The following KHDRBS2 variants were observed in gnomAD, a reference collection of about 807,000 sequenced individuals.
The protein encoded by KHDRBS2 is KH domain-containing, RNA-binding, signal transduction-associated protein 2.
Under a neutral mutation model 44.3 loss-of-function variants are expected in KHDRBS2, and 26 were observed. The ratio of observed to expected loss-of-function variants is 0.59; its 90% CI spans 0.43 to 0.81. The LOEUF is 0.81. KHDRBS2 is among the 40% of genes least tolerant of loss of function. The probability of loss-of-function intolerance (pLI) is 0.00; values close to 1 mark genes in which losing one functional copy is unlikely to be tolerated. For synonymous variants in KHDRBS2, 194 were observed against 151.1 expected (o/e 1.28, Z -2.08); for missense variants, 476 against 433.1 (o/e 1.10, Z -0.88).
At chr6:62,258,720 T>C (rs1837837640) in intron 1 of KHDRBS2, among the ~76,000 whole-genome samples, 1 of 151,932 alleles carries the variant, frequency 6.6e-6, no homozygotes, top group South Asian at 2.1e-4. Flanking sequence ...CCATTATGTA[T>C]ATATAAATAT....
chr6:62,113,212 T>G (rs1426639893), intron 2 of KHDRBS2, among the ~76,000 whole-genome samples: 2 of 152,086 alleles, frequency 1.3e-5, no homozygotes, highest in African/African-American at 2.4e-5. Context: ...AAGCACATAT[T>G]ATGTCCCATA....
Position 62,157,323 on chromosome 6 carries a change from T to TA in KHDRBS2, c.219+19861dup, listed in dbSNP as rs559571991. Among the ~76,000 whole-genome samples, 673 of 148,806 alleles carry TA rather than the reference T, an allele frequency of 4.5e-3. 1 individual carries two copies. Among genetic ancestry groups the TA allele is most frequent in the Middle Eastern group, 0.021 (6 of 288 alleles). On this transcript the variant is annotated intron_variant, in intron 2 of 8. Transcript: ENST00000281156. ...GCCTGAGGACAGAACGAGACTCCTTTAAAAAAAAAAGAGGTAAGTTAAGCC... is the reference window on the plus strand; with the variant it reads ...GCCTGAGGACAGAACGAGACTCCTTTAAAAAAAAAAAGAGGTAAGTTAAGCC...
chr6:61,668,683 C>G, the KHDRBS2 span, among the ~76,000 whole-genome samples: 1 of 151,034 alleles, frequency 6.6e-6, no homozygotes, highest in East Asian at 2.0e-4. Context: ...TTTCACATTA[C>G]TATCTGTTTA....
chr6:61,862,914 C>A (rs1167343239), intron 6 of KHDRBS2, among the ~76,000 whole-genome samples: 1 of 151,386 alleles, frequency 6.6e-6, no homozygotes, highest in Non-Finnish European at 1.5e-5. Context: ...CTTCTTTGTC[C>A]CTCTGGCAAT....
chr6:61,896,318 C>T (rs1263646476), intron 5 of KHDRBS2, among the ~76,000 whole-genome samples: 1 of 152,174 alleles, frequency 6.6e-6, no homozygotes, highest in South Asian at 2.1e-4. Context: ...CTACTCTATT[C>T]ACGAGCCTTC....
At chr6:61,576,960 T>C in the KHDRBS2 span, among the ~76,000 whole-genome samples, 2 of 152,302 alleles carry the variant, frequency 1.3e-5, no homozygotes, top group East Asian at 1.9e-4. Context: ...GATTCTAGTG[T>C]TCAGAAAAGT....
At chr6:62,278,870 G>A (rs1426613475) in intron 1 of KHDRBS2, among the ~76,000 whole-genome samples, 18 of 152,052 alleles carry the variant, frequency 1.2e-4, no homozygotes, top group Admixed American at 7.2e-4. Context: ...CGAGGTGGGC[G>A]GATCACGAGG....
intron 6 of KHDRBS2, among the ~76,000 whole-genome samples, chr6:61,883,052 A>G (rs971111794): frequency 2.0e-5 from 3 of 152,048 alleles, no homozygotes; most frequent in Admixed American, 1.3e-4. Context: ...ACTCAGAAGG[A>G]AAAACATGAT....
chr6:61,898,868 G>A (rs980385464), intron 5 of KHDRBS2, among the ~76,000 whole-genome samples: 1 of 151,852 alleles, frequency 6.6e-6, no homozygotes, highest in Non-Finnish European at 1.5e-5. Context: ...AAATTGAGAT[G>A]AAATGGAATT....
At chr6:62,263,629 G>A (rs1335477684) in intron 1 of KHDRBS2, among the ~76,000 whole-genome samples, 1 of 151,640 alleles carries the variant, frequency 6.6e-6, no homozygotes, top group Non-Finnish European at 1.5e-5. Context: ...GAAAATCTGA[G>A]CATCTCTTCA....
intron 3 of KHDRBS2, among the ~76,000 whole-genome samples, chr6:61,994,401 A>G (rs1412930600): frequency 2.0e-5 from 3 of 152,206 alleles, no homozygotes; most frequent in Non-Finnish European, 4.4e-5. Context: ...TCATTTTCTT[A>G]AGAATCCTCT....
In KHDRBS2 at chr6:62,210,920, A is replaced by G. The variant is rs1489450227; in HGVS notation, c.92-33608T>C. ...TTTCTTAATAATAGTTTAATGGACTATAAGGTTTCATTTATAATAAATACT... is the reference window on the plus strand; with the variant it reads ...TTTCTTAATAATAGTTTAATGGACTGTAAGGTTTCATTTATAATAAATACT... On this transcript the variant is annotated intron_variant, in intron 1 of 8. Transcript: ENST00000281156. Among the ~76,000 whole-genome samples, 4 of 152,302 alleles carry G rather than the reference A, an allele frequency of 2.6e-5. 1 individual carries two copies. The highest frequency in any genetic ancestry group is 2.0e-4 in the Admixed American group (3 of 15,300).
At chr6:61,605,388 G>A in the KHDRBS2 span, among the ~76,000 whole-genome samples, 1 of 152,248 alleles carries the variant, frequency 6.6e-6, no homozygotes, top group South Asian at 2.1e-4. Flanking sequence ...ATCTCCTGGT[G>A]CTATCCCCAA....
the KHDRBS2 span, among the ~76,000 whole-genome samples, chr6:61,668,999 A>G: frequency 6.6e-6 from 1 of 150,854 alleles, no homozygotes; most frequent in African/African-American, 2.4e-5. Context: ...TTTTTCATGG[A>G]GATTTTATGT....
At position 62,020,711 on chromosome 6, in the gene KHDRBS2, C is replaced by A. The variant is rs550118456; in HGVS notation, c.336+27167G>T. Among the ~76,000 whole-genome samples the A allele has an allele frequency of 3.3e-5, 5 of 152,132 alleles. No homozygotes were observed. The East Asian group carries it at 7.7e-4, about 23-fold the overall frequency. On this transcript the variant is annotated intron_variant, in intron 3 of 8. Coordinates refer to ENST00000281156, the MANE Select transcript of KHDRBS2 (RefSeq NM_152688.4). ...GACCACCTTTAACCTTGATACTATT[C>A]TTTTATCTGAAATCTAAGTTATCTG...
intron 6 of KHDRBS2, among the ~76,000 whole-genome samples, chr6:61,858,658 T>C (rs1470390457): frequency 2.0e-5 from 3 of 151,936 alleles, no homozygotes; most frequent in African/African-American, 4.8e-5. Context: ...GTTGAAATTT[T>C]GCTTAACTTT....
rs61231198 is a variant in KHDRBS2 at position 62,270,843 on chromosome 6, T to C, written c.91+15015A>G. Reference sequence around the variant, plus strand: ...CTATGAGATCGTTGGTAAGAACCTATGTCATAGATGAGGAAAGAAAGGCTC... The same window carrying C: ...CTATGAGATCGTTGGTAAGAACCTACGTCATAGATGAGGAAAGAAAGGCTC... On this transcript the variant is annotated intron_variant, in intron 1 of 8. Transcript: ENST00000281156. Among the ~76,000 whole-genome samples the C allele has an allele frequency of 5.5e-3, 843 of 152,242 alleles. 7 individuals are homozygous for C. Among genetic ancestry groups the C allele is most frequent in the African/African-American group, 0.02 (815 of 41,560 alleles).
chr6:62,235,797 G>C (rs1260438446), intron 1 of KHDRBS2, among the ~76,000 whole-genome samples: 4 of 151,790 alleles, frequency 2.6e-5, no homozygotes, highest in Non-Finnish European at 5.9e-5. Context: ...CTCTTCCATG[G>C]TACAATTTCG....
the KHDRBS2 span, among the ~76,000 whole-genome samples, chr6:61,581,477 G>C: frequency 6.7e-6 from 1 of 149,980 alleles, no homozygotes; most frequent in Non-Finnish European, 1.5e-5. Context: ...AAGCATCCAG[G>C]ACAAGTAGTG....
Sources: gnomAD v4.1 joint callset for allele counts (sites outside exome capture counted in the v4.1 genomes callset) on GRCh38, gnomAD v4.1.1 for gene constraint, MANE v1.5 for transcripts, NCBI Gene and HGNC (gene_info 2026-07-23, HGNC 2026-07-21) for gene names.